RSRC2: variants seen among roughly 807,000 people sequenced by gnomAD.
The protein encoded by RSRC2 is arginine/serine-rich coiled-coil protein 2.
Under a neutral mutation model 61.3 loss-of-function variants are expected in RSRC2, and 5 were observed. The observed-to-expected ratio is 0.08, with a 90% CI of 0.04 to 0.17. The LOEUF (loss-of-function observed/expected upper bound fraction) is 0.17. Among genes scored for constraint, RSRC2 ranks in the 10% least tolerant of loss-of-function variants. The probability of loss-of-function intolerance (pLI) is 1.00; values close to 1 mark genes in which losing one functional copy is unlikely to be tolerated. For synonymous variants in RSRC2, 202 were observed against 166.5 expected, an observed-to-expected ratio of 1.21 and a Z score of -1.64; for missense variants, 381 against 518.8, an observed-to-expected ratio of 0.73 and a Z score of 2.58.
intron 5 of RSRC2, among the ~76,000 whole-genome samples, 190 bp from the exon 6 acceptor site, chr12:122,515,417 C>G (rs1280679134): frequency 6.6e-6 from 1 of 152,102 alleles, no homozygotes; most frequent in Non-Finnish European, 1.5e-5. Context: ...TCCCTCATCC[C>G]TTTTTAAGAG....
At chr12:122,514,946 A>G (rs1419981467) in intron 6 of RSRC2, 159 bp downstream of exon 6, 1 of 815,512 alleles carries the variant, frequency 1.2e-6, no homozygotes. Flanking sequence ...AATGTTTAGG[A>G]TGAGAATTAA....
intron 2 of RSRC2, 109 bp from the exon 3 acceptor site, chr12:122,521,537 T>A: frequency 1.1e-6 from 1 of 879,660 alleles, no homozygotes; most frequent in Non-Finnish European, 1.9e-6. Flanking sequence ...CTTCTTCCAA[T>A]GACTAATTTT....
At chr12:122,513,516 T>C (rs954798214) in intron 6 of RSRC2, among the ~76,000 whole-genome samples, 6 of 152,196 alleles carry the variant, frequency 3.9e-5, no homozygotes, top group Non-Finnish European at 5.9e-5. Flanking sequence ...CGGCTTCACT[T>C]TTAAAAAAAT....
intron 1 of RSRC2, among the ~76,000 whole-genome samples, chr12:122,524,249 A>G (rs1959710919): frequency 6.6e-6 from 1 of 151,368 alleles, no homozygotes; most frequent in Admixed American, 6.6e-5. Context: ...AATTCTGGAC[A>G]CTTTTTTTTT....
rs1425395120 is a variant in RSRC2, at chr12:122,503,803, T to A, written c.*1724A>T. On this transcript the variant is annotated 3_prime_UTR_variant, in exon 10 of 10. Transcript: ENST00000331738. ...TACATTAAAAATCTTACAATCTGGC[T>A]AGGTGAAGTGGATCACACCTGTAAC... 1 of 152,180 alleles carries A rather than the reference T, an allele frequency of 6.6e-6. No homozygotes were observed. Among genetic ancestry groups the A allele is most frequent in the Non-Finnish European group, 1.5e-5 (1 of 68,036 alleles). 9.4% of individuals were successfully genotyped at this position (152,180 alleles called of 1,614,324 possible). A position where few individuals can be genotyped will look rare whatever the true frequency, so the allele number is the denominator to read the frequency against.
At chr12:122,507,775 T>G (rs960789691) in intron 8 of RSRC2, 1 of 165,908 alleles carries the variant, frequency 6.0e-6, no homozygotes, top group African/African-American at 2.5e-5. Flanking sequence ...AACCTCCGCC[T>G]CCCAGGATCA....
intron 7 of RSRC2, among the ~76,000 whole-genome samples, chr12:122,510,126 A>C (rs1024427392): frequency 1.3e-5 from 2 of 152,156 alleles, no homozygotes; most frequent in African/African-American, 4.8e-5. Flanking sequence ...CAGGCCTGAT[A>C]ATTTTTGAAA....
At chr12:122,514,562 G>A (rs139913874) in intron 6 of RSRC2, 357 of 1,031,270 alleles carry the variant, frequency 3.5e-4, no homozygotes, top group South Asian at 4.0e-4. Context: ...GATTGCACCC[G>A]GCCGAAACAG....
intron 3 of RSRC2, chr12:122,519,640 T>C (rs1593410094): frequency 6.5e-6 from 1 of 153,546 alleles, no homozygotes; most frequent in East Asian, 1.9e-4. Context: ...CCAATAGGCT[T>C]AGAGGAGTAT....
intron 7 of RSRC2, among the ~76,000 whole-genome samples, chr12:122,508,765 T>C (rs1052494860): frequency 1.3e-5 from 2 of 151,950 alleles, no homozygotes; most frequent in African/African-American, 2.4e-5. Context: ...GAGACCAGCC[T>C]GACCAACATG....
intron 5 of RSRC2, 51 bp downstream of exon 5, chr12:122,517,172 TAAAC>T: frequency 6.2e-7 from 1 of 1,609,212 alleles, no homozygotes; most frequent in Non-Finnish European, 8.5e-7. Flanking sequence ...CTGAGGAAGA[TAAAC>T]AGACTCTCTG....
At chr12:122,507,706 T>A (rs1179661608) in intron 8 of RSRC2, among the ~76,000 whole-genome samples, 1 of 138,336 alleles carries the variant, frequency 7.2e-6, no homozygotes, top group Non-Finnish European at 1.5e-5. Flanking sequence ...CAGGCTGAAG[T>A]GCAGTGGCGT....
chr12:122,524,786 T>C (rs1959815005), intron 1 of RSRC2, among the ~76,000 whole-genome samples: 1 of 152,222 alleles, frequency 6.6e-6, no homozygotes, highest in Admixed American at 6.5e-5. Context: ...AAACTGAGTA[T>C]TAAAATTGCT....
rs1960643656 is a variant in RSRC2, at chr12:122,526,925, T to C, written c.-72A>G. On this transcript the variant is annotated 5_prime_UTR_variant, in exon 1 of 10. Transcript: ENST00000331738. ...CAACAGTACCGGCCGCTCCGAAGCT[T>C]CGCCTCAGACTAAATCGCTCGCGCG... The C allele has an allele frequency of 6.3e-7, 1 of 1,583,884 alleles. No homozygotes were observed. The highest frequency in any genetic ancestry group is 2.2e-5 in the East Asian group (1 of 44,708).
chr12:122,518,090 G>C (rs1470410229), intron 4 of RSRC2, among the ~76,000 whole-genome samples: 1 of 151,992 alleles, frequency 6.6e-6, no homozygotes, highest in African/African-American at 2.4e-5. Context: ...TGAGCCCAGG[G>C]ATTCGTGAAT....
chr12:122,523,667 C>T (rs1219542039), intron 1 of RSRC2: 1 of 152,154 alleles, frequency 6.6e-6, no homozygotes. Context: ...GAACTTCCTC[C>T]TTTAGGAAAG....
chr12:122,516,415 T>C (rs1007250239), intron 5 of RSRC2, among the ~76,000 whole-genome samples: 1 of 152,218 alleles, frequency 6.6e-6, no homozygotes, highest in Non-Finnish European at 1.5e-5. Flanking sequence ...GTTTGTACAA[T>C]ACAGTGGGTT....
chr12:122,505,590 G>C lies in RSRC2; in HGVS notation c.1242C>G (p.Thr414=). 1 of 1,614,006 alleles carries C rather than the reference G, an allele frequency of 6.2e-7. No homozygotes were observed. Among genetic ancestry groups the C allele is most frequent in the African/African-American group, 1.3e-5 (1 of 74,986 alleles). ...CCAAACCCATTCCTCTTTGTGTGTG[G>C]GTTTGTGATCTTGCCATTTCATACT... ...DAQYEMARSQ[T]HTQRGMGLGF... is the part of the protein sequence containing the mutation. The change falls in exon 10 of 10, where the codon ACC becomes ACG. Residue 414 remains threonine, a synonymous_variant. Coordinates refer to ENST00000331738, the MANE Select transcript of RSRC2 (RefSeq NM_023012.6).
intron 1 of RSRC2, among the ~76,000 whole-genome samples, chr12:122,525,598 G>A (rs963159108): frequency 2.6e-5 from 4 of 152,122 alleles, no homozygotes; most frequent in South Asian, 2.1e-4. Flanking sequence ...ATGTTTAAGA[G>A]TCATAATTAT....
Sources: allele counts gnomAD v4.1 joint callset (sites outside exome capture counted in the v4.1 genomes callset), GRCh38; gene constraint gnomAD v4.1.1; transcripts MANE v1.5; gene names NCBI Gene and HGNC (gene_info 2026-07-23, HGNC 2026-07-21).